AKR1A1: variants seen among roughly 807,000 people sequenced by gnomAD.
AKR1A1 encodes the protein HEL-S-165mP.
AKR1A1 carries 26 observed loss-of-function variants against 39.2 expected under a neutral mutation model. That is an observed-to-expected ratio of 0.66 (90% CI 0.49 to 0.92). The LOEUF is 0.92. Ranked by LOEUF, AKR1A1 falls within the 40% of genes least tolerant of loss-of-function variation. The pLI, the probability that AKR1A1 is intolerant of heterozygous loss-of-function variation, is 0.00. For missense variants in AKR1A1, 378 were observed against 406.5 expected, an observed-to-expected ratio of 0.93 and a Z score of 0.60; for synonymous variants, 141 against 155.5, an observed-to-expected ratio of 0.91 and a Z score of 0.69.
rs141273363 is a variant in AKR1A1 at position 45,558,491 on chromosome 1, C to G, written c.-6-3298C>G. Among the ~76,000 whole-genome samples, 380 of 151,666 alleles carry G rather than the reference C, an allele frequency of 2.5e-3. 10 individuals are homozygous for G. The East Asian group carries it at 0.055, about 22-fold the overall frequency. On this transcript the variant is annotated intron_variant, in intron 1 of 8. Coordinates refer to ENST00000351829, the MANE Select transcript of AKR1A1 (RefSeq NM_153326.3). ...TCGGCTCACTGCAACCTCCACCTCC[C>G]GAGTTCAAGCGATTCCTCCTGTCTC... is the stretch of plus-strand genomic sequence containing the variant.
At chr1:45,556,037 C>T (rs1255142855) in intron 1 of AKR1A1, among the ~76,000 whole-genome samples, 2 of 152,108 alleles carry the variant, frequency 1.3e-5, no homozygotes, top group South Asian at 2.1e-4. Flanking sequence ...CTTTGCCTCC[C>T]ACACCAGCAT....
At chr1:45,562,373 G>C (rs981520037) in intron 2 of AKR1A1, among the ~76,000 whole-genome samples, 1 of 136,424 alleles carries the variant, frequency 7.3e-6, no homozygotes, top group East Asian at 2.1e-4. Context: ...ACAGGGTCTC[G>C]CTCTGTTGCC....
At chr1:45,558,357 T>G (rs1416532912) in intron 1 of AKR1A1, among the ~76,000 whole-genome samples, 5 of 151,280 alleles carry the variant, frequency 3.3e-5, no homozygotes, top group African/African-American at 1.2e-4. Flanking sequence ...GCCTCCCAAG[T>G]AGCTGAGATT....
chr1:45,554,005 A>G (rs1428920238), intron 1 of AKR1A1, among the ~76,000 whole-genome samples: 2 of 148,098 alleles, frequency 1.4e-5, no homozygotes, highest in East Asian at 2.1e-4. Flanking sequence ...AAAAAAAAAA[A>G]GAAGTATAGG....
chr1:45,567,378 G>A (rs1397644621), intron 4 of AKR1A1: 4 of 208,254 alleles, frequency 1.9e-5, no homozygotes, highest in Admixed American at 5.4e-5. Context: ...CATTAGTGCC[G>A]TGCCCTGTGC....
chr1:45,557,116 G>A (rs914972226), intron 1 of AKR1A1, among the ~76,000 whole-genome samples: 1 of 152,058 alleles, frequency 6.6e-6, no homozygotes, highest in African/African-American at 2.4e-5. Context: ...CTTGAACCCA[G>A]GAGGTGGAGG....
intron 4 of AKR1A1, chr1:45,567,236 G>T (rs1341548084): frequency 8.2e-6 from 5 of 606,900 alleles, no homozygotes; most frequent in African/African-American, 7.4e-5. Context: ...CTCACATGGT[G>T]TGTACCCCAG....
Position 45,561,847 on chromosome 1 carries a change from G to A in AKR1A1, c.53G>A (p.Gly18Asp), listed in dbSNP as rs755946287. 1.9e-6 allele frequency: 3 copies of A among 1,614,052 alleles called. No individual in the cohort carries two copies. In the African/African-American group the frequency reaches 4.0e-5, roughly 22 times the overall value. ...LHTGQKMPLIGLGTWKSEPGQ... is the reference protein window; with the variant it reads ...LHTGQKMPLIDLGTWKSEPGQ... ...ACTGGGCAGAAGATGCCTCTGATTG[G>A]TCTGGGTACCTGGAAGAGTGAGCCT... is the stretch of plus-strand genomic sequence containing the variant. Residue 18 changes from glycine to aspartate, a missense_variant, in exon 2 of 9, where the codon GGT (glycine) becomes GAT (aspartate). Coordinates refer to ENST00000351829, the MANE Select transcript of AKR1A1 (RefSeq NM_153326.3).
At chr1:45,559,331 A>G (rs1286494336) in intron 1 of AKR1A1, among the ~76,000 whole-genome samples, 1 of 152,210 alleles carries the variant, frequency 6.6e-6, no homozygotes, top group Non-Finnish European at 1.5e-5. Context: ...ATAGCTTTCC[A>G]GAGGGGGAGG....
chr1:45,561,715 T>G (rs1054126118), intron 1 of AKR1A1, 74 bp from the exon 2 acceptor site: 1 of 1,480,916 alleles, frequency 6.8e-7, no homozygotes, highest in African/African-American at 1.4e-5. Flanking sequence ...TTTGCAGTAT[T>G]CTTGACAGTG....
intron 1 of AKR1A1, among the ~76,000 whole-genome samples, chr1:45,552,809 C>T (rs547287062): frequency 6.6e-6 from 1 of 152,198 alleles, no homozygotes; most frequent in South Asian, 2.1e-4. Context: ...ACTCTGGAAG[C>T]CAAGATCTGT....
rs897071802 is a variant in AKR1A1 at position 45,551,059 on chromosome 1, ACCG to A, written c.-100_-98del. ...TCCCTCCGGGTGGAACTTCCCCCTC[ACCG>A]CCAGACTTAAGCTGAGGATCGTTGG... On this transcript the variant is annotated 5_prime_UTR_variant, in exon 1 of 9. Coordinates refer to ENST00000351829, the MANE Select transcript of AKR1A1 (RefSeq NM_153326.3). The A allele has an allele frequency of 2.0e-4, 31 of 152,340 alleles. 1 individual carries two copies. Among genetic ancestry groups the A allele is most frequent in the African/African-American group, 7.2e-4 (30 of 41,494 alleles). 9.4% of individuals were successfully genotyped at this position (152,340 alleles called of 1,614,324 possible).
intron 1 of AKR1A1, among the ~76,000 whole-genome samples, chr1:45,558,338 C>T (rs960427485): frequency 2.0e-5 from 3 of 151,768 alleles, no homozygotes; most frequent in Non-Finnish European, 4.4e-5. Flanking sequence ...AGGTGATTCT[C>T]ATGTCTTGGC....
At chr1:45,564,537 T>C (rs1323421923) in intron 2 of AKR1A1, among the ~76,000 whole-genome samples, 1 of 152,164 alleles carries the variant, frequency 6.6e-6, no homozygotes, top group Admixed American at 6.6e-5. Flanking sequence ...TTAGCCCACT[T>C]ATCTGCCTCC....
chr1:45,559,094 A>C (rs1198520546), intron 1 of AKR1A1, among the ~76,000 whole-genome samples: 1 of 152,150 alleles, frequency 6.6e-6, no homozygotes, highest in Admixed American at 6.5e-5. Flanking sequence ...CCATCCTAGC[A>C]AGGTTACCCT....
chr1:45,568,744 TATTTC>T (rs761504768), intron 6 of AKR1A1, 60 bp downstream of exon 6: 92 of 1,594,104 alleles, frequency 5.8e-5, no homozygotes, highest in African/African-American at 1.3e-5. Context: ...AGGGATTTCT[TATTTC>T]AGTGTCTGGG....
intron 1 of AKR1A1, among the ~76,000 whole-genome samples, chr1:45,561,487 T>C (rs1473370707): frequency 6.6e-6 from 1 of 152,108 alleles, no homozygotes; most frequent in Non-Finnish European, 1.5e-5. Context: ...AACTGCAACC[T>C]CCACCTCCCA....
At chr1:45,568,772 T>A in intron 6 of AKR1A1, 88 bp downstream of exon 6, 1 of 1,559,840 alleles carries the variant, frequency 6.4e-7, no homozygotes, top group South Asian at 1.1e-5. Context: ...AGGCTGAGGA[T>A]CTTGCCTTGT....
intron 4 of AKR1A1, 146 bp from the exon 5 acceptor site, chr1:45,567,836 A>AG (rs935804531): frequency 6.3e-6 from 5 of 795,546 alleles, no homozygotes; most frequent in African/African-American, 1.8e-5. Flanking sequence ...CAAAAAAAAA[A>AG]AAAAAGAAAA....
Sources: allele counts gnomAD v4.1 joint callset (sites outside exome capture counted in the v4.1 genomes callset), GRCh38; gene constraint gnomAD v4.1.1; transcripts MANE v1.5; gene names NCBI Gene and HGNC (gene_info 2026-07-23, HGNC 2026-07-21).